The following NGEF variants were observed in gnomAD, a reference collection of about 807,000 sequenced individuals.
NGEF encodes the protein ephexin-1.
Under a neutral mutation model 80.9 loss-of-function variants are expected in NGEF, and 31 were observed. That is an observed-to-expected ratio of 0.38 (90% CI 0.29 to 0.52). The LOEUF (loss-of-function observed/expected upper bound fraction) is 0.52, where lower values mean the gene tolerates loss of function less well. Ranked by LOEUF, NGEF falls within the 20% of genes least tolerant of loss-of-function variation. NGEF has a pLI of 0.84. For missense variants in NGEF, 709 were observed against 926.2 expected, an observed-to-expected ratio of 0.77 and a Z score of 3.04; for synonymous variants, 371 against 370.2, an observed-to-expected ratio of 1.00 and a Z score of -0.03.
intron 3 of NGEF, among the ~76,000 whole-genome samples, chr2:232,948,146 G>GGT (rs1693598318): frequency 2.5e-5 from 2 of 78,480 alleles, no homozygotes; most frequent in Non-Finnish European, 4.9e-5. Context: ...ATAGCCTGGA[G>GGT]ATGTGTGTGT....
At chr2:232,995,271 G>A (rs111214647) in intron 1 of NGEF, among the ~76,000 whole-genome samples, 35 of 1,312 alleles carry the variant, frequency 0.027, 7 homozygotes, top group African/African-American at 0.1. Context: ...CAGTATGTAT[G>A]CTGTGTACAG....
intron 5 of NGEF, among the ~76,000 whole-genome samples, chr2:232,897,579 CTAAAA>C (rs1002575396): frequency 6.6e-6 from 1 of 152,160 alleles, no homozygotes; most frequent in African/African-American, 2.4e-5. Flanking sequence ...GCAGAGCACT[CTAAAA>C]TAAGGGACGA....
chr2:232,991,430 A>G (rs1485761312), intron 1 of NGEF, among the ~76,000 whole-genome samples: 1 of 152,124 alleles, frequency 6.6e-6, no homozygotes, highest in African/African-American at 2.4e-5. Flanking sequence ...TACACAAATT[A>G]ATTGTATTTT....
At chr2:232,894,722 C>A in intron 6 of NGEF, 34 bp downstream of exon 6, 1 of 1,519,238 alleles carries the variant, frequency 6.6e-7, no homozygotes, top group South Asian at 1.3e-5. Context: ...TGAAGAAGGG[C>A]CCTGAGGGAG....
At chr2:232,953,154 T>C (rs1283949022) in intron 3 of NGEF, among the ~76,000 whole-genome samples, 1 of 151,202 alleles carries the variant, frequency 6.6e-6, no homozygotes, top group East Asian at 1.9e-4. Flanking sequence ...ATACAAAAAT[T>C]AGCCAGGTGT....
intron 3 of NGEF, among the ~76,000 whole-genome samples, chr2:232,969,521 A>T (rs35602335): frequency 0.79 from 107,260 of 135,400 alleles, 42,504 homozygotes; most frequent in African/African-American, 0.89. Flanking sequence ...TGCTTCCTTC[A>T]TTTTTTTGAG....
chr2:232,999,963 C>T (rs1318020300), intron 1 of NGEF, among the ~76,000 whole-genome samples: 1 of 152,218 alleles, frequency 6.6e-6, no homozygotes. Context: ...AGTCTGCTAA[C>T]ACTGCCATAA....
chr2:233,011,537 T>A (rs1477402988), intron 1 of NGEF, among the ~76,000 whole-genome samples: 4 of 148,918 alleles, frequency 2.7e-5, no homozygotes, highest in Non-Finnish European at 5.9e-5. Flanking sequence ...ATTTTGTTAC[T>A]GGTACAAGCT....
intron 2 of NGEF, among the ~76,000 whole-genome samples, chr2:232,973,892 T>TG (rs1485438472): frequency 6.6e-6 from 1 of 152,194 alleles, no homozygotes; most frequent in Non-Finnish European, 1.5e-5. Context: ...AATGCACTGA[T>TG]GAAGTCTCTG....
chr2:232,906,135 C>T (rs1386892564), intron 5 of NGEF, among the ~76,000 whole-genome samples: 3 of 86,718 alleles, frequency 3.5e-5, no homozygotes, highest in Non-Finnish European at 7.7e-5. Flanking sequence ...CTCAGCCCCC[C>T]GCCCGGCCAC....
chr2:232,893,572 G>A (rs1369674274), intron 6 of NGEF, among the ~76,000 whole-genome samples: 1 of 152,070 alleles, frequency 6.6e-6, no homozygotes, highest in East Asian at 1.9e-4. Context: ...TCAGGAGTTC[G>A]AGACCAGCCT....
intron 1 of NGEF, among the ~76,000 whole-genome samples, chr2:233,002,243 GA>G (rs1694994828): frequency 2.0e-5 from 3 of 151,994 alleles, no homozygotes; most frequent in South Asian, 2.1e-4. Context: ...ACTTATTCTA[GA>G]AAAAAACCCA....
Position 232,970,335 on chromosome 2 carries a change from C to A in NGEF, c.269-7G>T, listed in dbSNP as rs1694160522. On this transcript the variant is annotated splice_region_variant and splice_polypyrimidine_tract_variant and intron_variant, in intron 2 of 14. Transcript: ENST00000264051. ...TTTCCATTGTCCTGTGAATCTGTGA[C>A]AATTCAGAAATGGAGCAAGTTAGAA... The A allele has an allele frequency of 1.9e-6, 3 of 1,563,964 alleles. No homozygotes were observed. The highest frequency in any genetic ancestry group is 1.7e-6 in the Non-Finnish European group (2 of 1,144,742).
rs1484984254 is a variant in NGEF, at chr2:232,915,501, G to A, written c.828+4783C>T. Among the ~76,000 whole-genome samples, 61 of 152,162 alleles carry A rather than the reference G, an allele frequency of 4.0e-4. 3 individuals are homozygous for A. The highest frequency in any genetic ancestry group is 4.0e-3 in the Admixed American group (61 of 15,288). On this transcript the variant is annotated intron_variant, in intron 5 of 14. Transcript: ENST00000264051. ...CTGGATTCATTACATGTCGTGTTCA[G>A]CAGCCACGTGTGGCTGGTGGCTGTC...
rs1691492804 is a variant in NGEF at position 232,881,217 on chromosome 2, A to G, written c.1871T>C (p.Val624Ala). The G allele has an allele frequency of 6.2e-7, 1 of 1,610,438 alleles. No homozygotes were observed. Among genetic ancestry groups the G allele is most frequent in the Non-Finnish European group, 8.5e-7 (1 of 1,179,986 alleles). ...CPQVQCVHPYVAQQPDELTLE... is the reference protein window; with the variant it reads ...CPQVQCVHPYAAQQPDELTLE... Reference sequence around the variant, plus strand: ...CGTCAGCTCGTCTGGCTGCTGAGCCACGTATGGGTGCACGCACTGGACCTG... The same window carrying G: ...CGTCAGCTCGTCTGGCTGCTGAGCCGCGTATGGGTGCACGCACTGGACCTG... Residue 624 changes from valine to alanine, a missense_variant, in exon 14 of 15, where the codon GTG becomes GCG. By Grantham distance (64) the Val-to-Ala change is moderately conservative. Around this residue, in one of 2 missense-constraint regions of NGEF, gnomAD observed 426 missense variants for 622.9 expected, o/e 0.68. Transcript: ENST00000264051.
rs1693090284 is a variant in NGEF at position 232,927,177 on chromosome 2, GGAC to G, written c.390_392del (p.Ser132del). 1.9e-6 allele frequency: 3 copies of G among 1,593,098 alleles called. No individual in the cohort carries two copies. The East Asian group carries it at 6.7e-5, about 36-fold the overall frequency. ...GCGTGGCCCCATTTCCCGGGGTGGA[GGAC>G]GACTCACTGCCAGAGAGGGAGGAGG... On this transcript the variant is annotated inframe_deletion, in exon 4 of 15. Transcript: ENST00000264051.
chr2:232,897,631 T>C (rs1004569719), intron 5 of NGEF, among the ~76,000 whole-genome samples: 5 of 152,172 alleles, frequency 3.3e-5, no homozygotes, highest in African/African-American at 9.7e-5. Context: ...AGAGTTCACA[T>C]TGATGTCACT....
At chr2:232,997,181 G>T (rs998500196) in intron 1 of NGEF, among the ~76,000 whole-genome samples, 9 of 152,212 alleles carry the variant, frequency 5.9e-5, no homozygotes, top group African/African-American at 2.2e-4. Context: ...AGATTGCTGG[G>T]CCCAGAGCTT....
chr2:232,894,963 C>T (rs375332489), intron 5 of NGEF, 47 bp from the exon 6 acceptor site: 51 of 1,518,190 alleles, frequency 3.4e-5, no homozygotes, highest in Non-Finnish European at 4.0e-5. Context: ...TGGCCTTCCA[C>T]GAAGGCGCTA....
Sources: allele counts gnomAD v4.1 joint callset (sites outside exome capture counted in the v4.1 genomes callset), GRCh38; gene constraint gnomAD v4.1.1; regional missense constraint gnomAD v4.1.1; transcripts MANE v1.5; gene names NCBI Gene and HGNC (gene_info 2026-07-23, HGNC 2026-07-21).